The following ABCC4 variants were observed in gnomAD, a reference collection of about 807,000 sequenced individuals.
The protein encoded by ABCC4 is ATP-binding cassette sub-family C member 4.
In ABCC4, 102 loss-of-function variants were observed where a neutral mutation model predicts 168.5. That is an observed-to-expected ratio of 0.61 (90% CI 0.52 to 0.71). The LOEUF (loss-of-function observed/expected upper bound fraction) is 0.71, where lower values mean the gene tolerates loss of function less well. Among genes scored for constraint, ABCC4 ranks in the 30% least tolerant of loss-of-function variants. The pLI, the probability that ABCC4 is intolerant of heterozygous loss-of-function variation, is 0.00. For synonymous variants in ABCC4, 617 were observed against 590.7 expected, an observed-to-expected ratio of 1.04 and a Z score of -0.65; for missense variants, 1,402 against 1,605.8, an observed-to-expected ratio of 0.87 and a Z score of 2.17.
chr13:95,279,138 C>G (rs1158581138), intron 1 of ABCC4, among the ~76,000 whole-genome samples: 1 of 152,170 alleles, frequency 6.6e-6, no homozygotes, highest in African/African-American at 2.4e-5. Context: ...GATTATCAAC[C>G]CCAGGAAAAG....
chr13:95,196,726 A>AAGGAAGAAGGGAGGG, intron 8 of ABCC4, among the ~76,000 whole-genome samples: 1 of 105,182 alleles, frequency 9.5e-6, no homozygotes, highest in East Asian at 2.3e-4. Context: ...GGAAGGAAGG[A>AAGGAAGAAGGGAGGG]AGGAAGAAGG....
intron 21 of ABCC4, among the ~76,000 whole-genome samples, chr13:95,080,548 A>T (rs1340868109): frequency 1.3e-5 from 2 of 152,068 alleles, no homozygotes; most frequent in Admixed American, 1.3e-4. Context: ...ATCTCAGCTC[A>T]CTGCAACCTC....
At chr13:95,076,892 T>C (rs1038050520) in intron 21 of ABCC4, among the ~76,000 whole-genome samples, 2 of 152,110 alleles carry the variant, frequency 1.3e-5, no homozygotes, top group African/African-American at 4.8e-5. Flanking sequence ...CCCAAGTAGC[T>C]GGGACTAGAC....
At chr13:95,179,674 C>T (rs565074701) in intron 11 of ABCC4, among the ~76,000 whole-genome samples, 2 of 152,274 alleles carry the variant, frequency 1.3e-5, no homozygotes, top group Non-Finnish European at 2.9e-5. Flanking sequence ...TGGAGAACAT[C>T]GCTGGGTATT....
chr13:95,160,991 G>GC (rs139755003), intron 19 of ABCC4, among the ~76,000 whole-genome samples, 198 bp downstream of exon 19: 276 of 147,066 alleles, frequency 1.9e-3, no homozygotes, highest in Non-Finnish European at 2.1e-3. Flanking sequence ...AAGATTGTAT[G>GC]CCCCCCCCTC....
At chr13:95,094,084 T>C (rs1387726815) in intron 20 of ABCC4, among the ~76,000 whole-genome samples, 1 of 152,058 alleles carries the variant, frequency 6.6e-6, no homozygotes, top group Non-Finnish European at 1.5e-5. Flanking sequence ...GAATCAATAT[T>C]GTGAAAATGA....
chr13:95,258,972 A>G (rs1001561743), intron 1 of ABCC4, among the ~76,000 whole-genome samples: 2 of 152,154 alleles, frequency 1.3e-5, no homozygotes, highest in South Asian at 2.1e-4. Context: ...TGGGGGCTAC[A>G]TTGGGGCAGG....
At chr13:95,301,138 C>T in intron 1 of ABCC4, 103 bp downstream of exon 1, 1 of 1,142,946 alleles carries the variant, frequency 8.7e-7, no homozygotes, top group African/African-American at 1.6e-5. Context: ...CTCCCCTCGC[C>T]CCCAGCCGCA....
intron 25 of ABCC4, among the ~76,000 whole-genome samples, chr13:95,070,075 C>G (rs2033675174): frequency 1.3e-5 from 2 of 152,066 alleles, no homozygotes; most frequent in Admixed American, 1.3e-4. Context: ...AAAACCTGGT[C>G]TCTACTAAAA....
chr13:95,285,028 T>A (rs1425541212), intron 1 of ABCC4, among the ~76,000 whole-genome samples: 1 of 152,088 alleles, frequency 6.6e-6, no homozygotes, highest in Admixed American at 6.6e-5. Context: ...GGAGAATCAT[T>A]TGAGTCCAGG....
intron 30 of ABCC4, among the ~76,000 whole-genome samples, chr13:95,029,451 G>A (rs7996205): frequency 0.99 from 151,180 of 152,054 alleles, 75,157 homozygotes; most frequent in Middle Eastern, 1. Context: ...CATCAACAAA[G>A]TGGAGAAGAA....
Position 95,186,888 on chromosome 13 carries a change from G to A in ABCC4, c.1358C>T (p.Ser453Leu). The change falls in exon 11 of 31, where the codon TCA becomes TTA. Residue 453 changes from serine to leucine, a missense_variant. Around this residue, in one of 3 missense-constraint regions of ABCC4, gnomAD observed 1,007 missense variants for 1,127.3 expected, o/e 0.89. Coordinates refer to ENST00000645237, the MANE Select transcript of ABCC4 (RefSeq NM_005845.5). The part of the protein sequence containing the change: ...VVGPVGAGKS[S>L]LLSAVLGELA... Reference sequence around the variant, plus strand: ...TTCCCCGAGCACGGCACTTAACAGTGATGACTGAAACAGATTGTAAAAAAG... The same window carrying A: ...TTCCCCGAGCACGGCACTTAACAGTAATGACTGAAACAGATTGTAAAAAAG... 1.2e-6 allele frequency: 2 copies of A among 1,607,802 alleles called. No homozygotes were observed. Among genetic ancestry groups the A allele is most frequent in the Non-Finnish European group, 8.5e-7 (1 of 1,177,210 alleles).
chr13:95,299,549 CAG>C lies in ABCC4; in HGVS notation c.74+1690_74+1691del, dbSNP rs2041620919. Among the ~76,000 whole-genome samples, 3 of 152,052 alleles carry C rather than the reference CAG, an allele frequency of 2.0e-5. No individual in the cohort carries two copies. The South Asian group carries it at 6.2e-4, about 32-fold the overall frequency. On this transcript the variant is annotated intron_variant, in intron 1 of 30. Coordinates refer to ENST00000645237, the MANE Select transcript of ABCC4 (RefSeq NM_005845.5). ...AAATTCGTAAGCTTTCTTAAAACATCAGATTTTTTTTTGCGATTTTTTTTTAG... is the reference window on the plus strand; with the variant it reads ...AAATTCGTAAGCTTTCTTAAAACATCATTTTTTTTTGCGATTTTTTTTTAG...
At chr13:95,106,359 A>C (rs182574015) in intron 20 of ABCC4, among the ~76,000 whole-genome samples, 372 of 151,722 alleles carry the variant, frequency 2.5e-3, no homozygotes, top group Non-Finnish European at 4.7e-3. Flanking sequence ...GTGCGCGTAT[A>C]TATATATACA....
intron 20 of ABCC4, among the ~76,000 whole-genome samples, chr13:95,095,138 T>C (rs2139358420): frequency 6.6e-6 from 1 of 152,336 alleles, no homozygotes; most frequent in Middle Eastern, 3.4e-3. Flanking sequence ...GCAATCCCAC[T>C]ACTGGCTATC....
chr13:95,287,176 T>C (rs1413175999), intron 1 of ABCC4, among the ~76,000 whole-genome samples: 1 of 151,738 alleles, frequency 6.6e-6, no homozygotes, highest in African/African-American at 2.4e-5. Flanking sequence ...CACATGCCTA[T>C]AGTTTCAGCT....
chr13:95,089,435 T>C (rs1012337660), intron 20 of ABCC4, among the ~76,000 whole-genome samples: 16 of 152,104 alleles, frequency 1.1e-4, no homozygotes, highest in African/African-American at 3.4e-4. Context: ...CTGGCCAACA[T>C]GGTGAAACCC....
chr13:95,298,441 C>A (rs1413011073), intron 1 of ABCC4, among the ~76,000 whole-genome samples: 1 of 152,158 alleles, frequency 6.6e-6, no homozygotes, highest in Non-Finnish European at 1.5e-5. Context: ...ACCTCACCAC[C>A]CCCACCCACA....
At chr13:95,097,037 C>T (rs1052085761) in intron 20 of ABCC4, among the ~76,000 whole-genome samples, 12 of 151,950 alleles carry the variant, frequency 7.9e-5, no homozygotes, top group African/African-American at 2.9e-4. Context: ...AACAATATGA[C>T]AACATAAGCC....
Sources: allele counts gnomAD v4.1 joint callset (sites outside exome capture counted in the v4.1 genomes callset), GRCh38; gene constraint gnomAD v4.1.1; regional missense constraint gnomAD v4.1.1; transcripts MANE v1.5; gene names NCBI Gene and HGNC (gene_info 2026-07-23, HGNC 2026-07-21).